Variants in FSTL5 observed in about 807,000 individuals in gnomAD.
The protein encoded by FSTL5 is follistatin like 5, also known as follistatin-related protein 5.
A neutral mutation model predicts 89.1 loss-of-function variants in FSTL5; 62 were observed. That is an observed-to-expected ratio of 0.70 (90% CI 0.57 to 0.86). FSTL5 has a LOEUF of 0.86. Ranked by LOEUF, FSTL5 falls within the 40% of genes least tolerant of loss-of-function variation. The pLI, the probability that FSTL5 is intolerant of heterozygous loss-of-function variation, is 0.00. For missense variants in FSTL5, 1,057 were observed against 1,001.6 expected (o/e 1.06, Z -0.75); for synonymous variants, 383 against 346.2 (o/e 1.11, Z -1.18).
chr4:162,022,402 C>T (rs1401826124), intron 3 of FSTL5, among the ~76,000 whole-genome samples: 3 of 151,572 alleles, frequency 2.0e-5, no homozygotes, highest in Non-Finnish European at 4.4e-5. Context: ...ATCCTCCATA[C>T]CAAGAGTTTT....
chr4:161,608,289 T>C (rs1734520932), intron 7 of FSTL5, among the ~76,000 whole-genome samples: 1 of 152,248 alleles, frequency 6.6e-6, no homozygotes, highest in South Asian at 2.1e-4. Context: ...TAAATGGGAA[T>C]AAACTTTTTA....
chr4:162,043,467 T>C (rs1171086623), intron 2 of FSTL5, among the ~76,000 whole-genome samples: 1 of 152,208 alleles, frequency 6.6e-6, no homozygotes, highest in Non-Finnish European at 1.5e-5. Context: ...CATATCAGCC[T>C]TCAGTGAGTC....
intron 4 of FSTL5, among the ~76,000 whole-genome samples, chr4:161,832,834 C>T (rs1162002185): frequency 1.3e-5 from 2 of 150,474 alleles, no homozygotes; most frequent in Non-Finnish European, 3.0e-5. Context: ...AAAACCAGCT[C>T]CTGGATTCAT....
intron 4 of FSTL5, among the ~76,000 whole-genome samples, chr4:161,789,018 T>G (rs1398149150): frequency 6.6e-6 from 1 of 152,204 alleles, no homozygotes; most frequent in Non-Finnish European, 1.5e-5. Flanking sequence ...TTATTTCATT[T>G]ACTGATTTGG....
intron 15 of FSTL5, among the ~76,000 whole-genome samples, chr4:161,412,608 C>G (rs1239237741): frequency 6.6e-6 from 1 of 152,076 alleles, no homozygotes; most frequent in Admixed American, 6.6e-5. Context: ...ATGTAACAAA[C>G]CTGCAGGTTG....
At chr4:161,529,463 C>T (rs1444552130) in intron 10 of FSTL5, among the ~76,000 whole-genome samples, 1 of 141,882 alleles carries the variant, frequency 7.0e-6, no homozygotes, top group Non-Finnish European at 1.5e-5. Flanking sequence ...GCTTATCAAG[C>T]ATGGTTAACT....
intron 6 of FSTL5, among the ~76,000 whole-genome samples, chr4:161,680,723 C>T (rs1246241761): frequency 1.3e-5 from 2 of 151,256 alleles, no homozygotes; most frequent in African/African-American, 4.9e-5. Context: ...TTTTATATGC[C>T]CTTCTAAATT....
intron 7 of FSTL5, among the ~76,000 whole-genome samples, chr4:161,623,745 TA>T (rs1355295285): frequency 6.6e-6 from 1 of 151,928 alleles, no homozygotes; most frequent in East Asian, 1.9e-4. Context: ...CAGTGATAAA[TA>T]TCTGTTTATT....
At chr4:161,720,310 A>G (rs887933415) in intron 6 of FSTL5, among the ~76,000 whole-genome samples, 1 of 152,182 alleles carries the variant, frequency 6.6e-6, no homozygotes, top group Non-Finnish European at 1.5e-5. Flanking sequence ...CAAAACTACA[A>G]TGAGATATCA....
At chr4:162,101,209 GAA>G (rs1730985618) in intron 2 of FSTL5, among the ~76,000 whole-genome samples, 1 of 152,158 alleles carries the variant, frequency 6.6e-6, no homozygotes, top group African/African-American at 2.4e-5. Flanking sequence ...TCTCCCTGAA[GAA>G]CTATCCCTCT....
chr4:161,386,200 T>A lies in FSTL5; in HGVS notation c.2091A>T (p.Pro697=). The change falls in exon 16 of 16, where the codon CCA becomes CCT. Residue 697 remains proline (P), a synonymous_variant. Coordinates refer to ENST00000306100, the MANE Select transcript of FSTL5 (RefSeq NM_020116.5). ...IGFNSDVTGT[P]YVSPDGHYLV... is the part of the protein sequence containing the mutation. Reference sequence around the variant, plus strand: ...GGTAGTGGCCATCTGGAGAGACATATGGAGTGCCCGTCACATCACTATTGA... The same window carrying A: ...GGTAGTGGCCATCTGGAGAGACATAAGGAGTGCCCGTCACATCACTATTGA... 2 of 1,614,006 alleles carry A rather than the reference T, an allele frequency of 1.2e-6. No homozygotes were observed. Among genetic ancestry groups the A allele is most frequent in the Non-Finnish European group, 1.7e-6 (2 of 1,179,966 alleles).
chr4:161,874,589 T>C (rs1275597802), intron 4 of FSTL5, among the ~76,000 whole-genome samples: 1 of 151,508 alleles, frequency 6.6e-6, no homozygotes, highest in East Asian at 1.9e-4. Flanking sequence ...TTTACTTTCT[T>C]ACTCTATTTT....
At chr4:162,014,845 G>T (rs553795854) in intron 3 of FSTL5, among the ~76,000 whole-genome samples, 1 of 152,054 alleles carries the variant, frequency 6.6e-6, no homozygotes, top group Admixed American at 6.6e-5. Context: ...TTATAAACAC[G>T]TTAGTAATGG....
chr4:161,442,147 G>GTTTTT (rs58107906), intron 15 of FSTL5, among the ~76,000 whole-genome samples: 3 of 142,836 alleles, frequency 2.1e-5, no homozygotes, highest in Non-Finnish European at 3.1e-5. Flanking sequence ...TCTATAAAAG[G>GTTTTT]TTTTTTTTTT....
At chr4:161,459,121 A>C in intron 14 of FSTL5, 91 bp downstream of exon 14, 1 of 907,268 alleles carries the variant, frequency 1.1e-6, no homozygotes. Flanking sequence ...TCAGATGGAA[A>C]AATATCATGG....
In FSTL5 at chr4:162,071,089, C is replaced by CA. The variant is rs1729601592; in HGVS notation, c.127-37432_127-37431insT. On this transcript the variant is annotated intron_variant, in intron 2 of 15. Coordinates refer to ENST00000306100, the MANE Select transcript of FSTL5 (RefSeq NM_020116.5). Reference sequence around the variant, plus strand: ...GAGAAACAAAGGCTGTATGAAACAACCAGAAAACAATTAACAGAATGAAAC... The same window carrying CA: ...GAGAAACAAAGGCTGTATGAAACAACACAGAAAACAATTAACAGAATGAAAC... Among the ~76,000 whole-genome samples the CA allele has an allele frequency of 2.0e-5, 3 of 151,454 alleles. No homozygotes were observed. The Admixed American group carries it at 2.0e-4, about 10-fold the overall frequency.
intron 14 of FSTL5, among the ~76,000 whole-genome samples, chr4:161,457,613 T>C (rs1363412748): frequency 1.3e-5 from 2 of 151,976 alleles, no homozygotes; most frequent in Non-Finnish European, 2.9e-5. Flanking sequence ...AAGAAAATTG[T>C]ATAATAAAAA....
Position 161,416,857 on chromosome 4 carries a change from A to AAG in FSTL5, c.1842-30409_1842-30408insCT, listed in dbSNP as rs1553984137. Among the ~76,000 whole-genome samples, 924 of 149,490 alleles carry AAG rather than the reference A, an allele frequency of 6.2e-3. 7 individuals carry two copies. The highest frequency in any genetic ancestry group is 0.02 in the African/African-American group (829 of 41,080). On this transcript the variant is annotated intron_variant, in intron 15 of 15. Transcript: ENST00000306100. ...GAGACTCCATCTCAAAAAAAAAAAAAAAAAGAAAGATTCTTCATGAAACCA... is the reference window on the plus strand; with the variant it reads ...GAGACTCCATCTCAAAAAAAAAAAAAAGAAAAGAAAGATTCTTCATGAAACCA...
chr4:161,452,007 A>G (rs1215133751), intron 15 of FSTL5, among the ~76,000 whole-genome samples: 2 of 152,226 alleles, frequency 1.3e-5, no homozygotes, highest in Non-Finnish European at 2.9e-5. Context: ...TGTGATGTAG[A>G]GTCAGAGAAA....
Sources: gnomAD v4.1 joint callset for allele counts (sites outside exome capture counted in the v4.1 genomes callset) on GRCh38, gnomAD v4.1.1 for gene constraint, MANE v1.5 for transcripts, NCBI Gene and HGNC (gene_info 2026-07-23, HGNC 2026-07-21) for gene names.